Variants in DNAH17 observed in about 807,000 individuals in gnomAD.
The protein encoded by DNAH17 is axonemal beta dynein heavy chain 17.
A neutral mutation model predicts 485.6 loss-of-function variants in DNAH17; 376 were observed. That is an observed-to-expected ratio of 0.77 (90% CI 0.71 to 0.84). DNAH17 has a LOEUF of 0.84. DNAH17 is among the 40% of genes least tolerant of loss of function. The pLI is 0.00. For missense variants in DNAH17, 6,370 were observed against 5,839.3 expected, an observed-to-expected ratio of 1.09 and a Z score of -2.96; for synonymous variants, 3,031 against 2,405.9, an observed-to-expected ratio of 1.26 and a Z score of -7.60.
chr17:78,501,374 A>G, intron 34 of DNAH17, 30 bp from the exon 35 acceptor site: 1 of 1,568,974 alleles, frequency 6.4e-7, no homozygotes, highest in Non-Finnish European at 8.7e-7. Flanking sequence ...TCTTGTTGCC[A>G]GGTGGAATAC....
intron 19 of DNAH17, among the ~76,000 whole-genome samples, chr17:78,536,664 G>C (rs928641331): frequency 2.6e-5 from 4 of 152,066 alleles, no homozygotes; most frequent in African/African-American, 7.2e-5. Flanking sequence ...CTGGGTGACA[G>C]AGTGAGACCT....
intron 54 of DNAH17, chr17:78,472,647 G>C (rs998484346): frequency 2.3e-6 from 1 of 443,372 alleles, no homozygotes; most frequent in Non-Finnish European, 4.5e-6. Context: ...GTGGGGAGGG[G>C]AGCTGGGGTA....
In DNAH17 at chr17:78,466,366, C is replaced by T. The variant is rs558313532; in HGVS notation, c.8940+289G>A. The stretch of plus-strand genomic sequence containing the variant: ...CTTTGTTCACTTGTTTATCTGCTGA[C>T]CTTCCCTCCACTATTGTCCTATGAC... On this transcript the variant is annotated intron_variant, in intron 56 of 80. Coordinates refer to ENST00000389840, the MANE Select transcript of DNAH17 (RefSeq NM_173628.4). Among the ~76,000 whole-genome samples the T allele has an allele frequency of 9.9e-5, 15 of 152,276 alleles. No homozygotes were observed. The East Asian group carries it at 2.9e-3, about 29-fold the overall frequency.
In DNAH17 at chr17:78,437,699, T is replaced by C. The variant is rs771245913; in HGVS notation, c.11975A>G (p.Asn3992Ser). 2.2e-5 allele frequency: 36 copies of C among 1,612,082 alleles called. No homozygotes were observed. Among genetic ancestry groups the C allele is most frequent in the South Asian group, 4.4e-5 (4 of 91,040 alleles). ...GGCGTGCATGCCCGTGGGGGGCTCG[T>C]TGGTGATCTTGATGGCGTTCTCCAG... Reference protein sequence around the residue: ...GILENAIKITNEPPTGMHANL... With the variant: ...GILENAIKITSEPPTGMHANL... The change falls in exon 74 of 81, where the codon AAC becomes AGC. Residue 3992 changes from asparagine (N) to serine (S), a missense_variant. Asn to Ser is a conservative substitution (Grantham distance 46). Coordinates refer to ENST00000389840, the MANE Select transcript of DNAH17 (RefSeq NM_173628.4).
chr17:78,461,425 T>TAC, intron 58 of DNAH17, 119 bp downstream of exon 58: 2 of 1,105,604 alleles, frequency 1.8e-6, no homozygotes, highest in Admixed American at 7.3e-5. Flanking sequence ...ACCTTGTCCT[T>TAC]CTATGTAAGT....
At chr17:78,435,109 C>T (rs571593054) in intron 74 of DNAH17, among the ~76,000 whole-genome samples, 18 of 152,270 alleles carry the variant, frequency 1.2e-4, no homozygotes, top group African/African-American at 4.1e-4. Flanking sequence ...GGGACAGAGA[C>T]GATGGGCCCA....
At chr17:78,569,082 G>T (rs191022837) in intron 9 of DNAH17, 84 bp downstream of exon 9, 6 of 1,064,286 alleles carry the variant, frequency 5.6e-6, no homozygotes, top group South Asian at 1.4e-5. Context: ...ATTGGCAAGG[G>T]GGGTAGGGAT....
At chr17:78,473,945 G>A (rs1034566039) in intron 54 of DNAH17, among the ~76,000 whole-genome samples, 8 of 152,212 alleles carry the variant, frequency 5.3e-5, no homozygotes, top group South Asian at 2.1e-4. Flanking sequence ...TGGGTCCAGA[G>A]GACAGGGCTG....
chr17:78,441,408 C>T (rs1205487602), intron 71 of DNAH17, among the ~76,000 whole-genome samples: 3 of 152,090 alleles, frequency 2.0e-5, no homozygotes, highest in East Asian at 1.9e-4. Flanking sequence ...CTTTCTTTCC[C>T]GAGGGGCCCC....
intron 66 of DNAH17, among the ~76,000 whole-genome samples, chr17:78,451,102 G>A (rs574883293): frequency 1.3e-5 from 2 of 152,256 alleles, no homozygotes; most frequent in African/African-American, 2.4e-5. Context: ...GGCCTCCTGA[G>A]CCCATGCAAG....
chr17:78,459,307 G>T, intron 60 of DNAH17, 99 bp from the exon 61 acceptor site: 1 of 1,163,174 alleles, frequency 8.6e-7, no homozygotes, highest in Non-Finnish European at 1.3e-6. Context: ...GCACAGCTCT[G>T]GAGGGGCAGC....
chr17:78,443,510 T>C (rs2087152324), intron 71 of DNAH17, among the ~76,000 whole-genome samples: 1 of 151,888 alleles, frequency 6.6e-6, no homozygotes, highest in South Asian at 2.1e-4. Context: ...AACTCAGTCC[T>C]GGGAGTTAGG....
At position 78,484,739 on chromosome 17, in the gene DNAH17, A is replaced by ACCCCCCCTGCCCCCCCCCCC; in HGVS notation, c.7649+128_7649+129insGGGGGGGGGGGCAGGGGGGG. Reference sequence around the variant, plus strand: ...CGTGTCTCCCTACCCACGTTGCAGCACCCCCCCCACCGCCCCACACCAGTC... The same window carrying ACCCCCCCTGCCCCCCCCCCC: ...CGTGTCTCCCTACCCACGTTGCAGCACCCCCCCTGCCCCCCCCCCCCCCCCCCCACCGCCCCACACCAGTC... On this transcript the variant is annotated intron_variant, in intron 48 of 80. Coordinates refer to ENST00000389840, the MANE Select transcript of DNAH17 (RefSeq NM_173628.4). The ACCCCCCCTGCCCCCCCCCCC allele has an allele frequency of 5.8e-6, 2 of 347,798 alleles. 1 individual carries two copies. Among genetic ancestry groups the ACCCCCCCTGCCCCCCCCCCC allele is most frequent in the Non-Finnish European group, 9.1e-6 (2 of 219,170 alleles). The allele number at this position is 347,798 out of a possible 1,614,324, so 21.5% of individuals were successfully genotyped here.
At chr17:78,551,673 A>T (rs755975597) in intron 15 of DNAH17, 35 bp from the exon 16 acceptor site, 1 of 1,606,850 alleles carries the variant, frequency 6.2e-7, no homozygotes, top group Non-Finnish European at 8.5e-7. Context: ...TTACAAAATG[A>T]ACAATTCAGG....
At chr17:78,504,721 G>C (rs1281114540) in intron 31 of DNAH17, among the ~76,000 whole-genome samples, 1 of 152,144 alleles carries the variant, frequency 6.6e-6, no homozygotes, top group Non-Finnish European at 1.5e-5. Context: ...CCCTGAGCCG[G>C]GGGACGCGCT....
rs992904705 is a variant in DNAH17 at position 78,484,940 on chromosome 17, A to C, written c.7577T>G (p.Met2526Arg). ...KLVYFIDDMN[M>R]PEVDKYGTVA... Reference sequence around the variant, plus strand: ...CGTCCCATACTTGTCCACCTCGGGCATGTTCATGTCGTCGATGAAGTAGAC... The same window carrying C: ...CGTCCCATACTTGTCCACCTCGGGCCTGTTCATGTCGTCGATGAAGTAGAC... Residue 2526 changes from methionine (M) to arginine (R), a missense_variant, in exon 48 of 81, where the codon ATG becomes AGG. Met to Arg is a moderately conservative substitution (Grantham distance 91, BLOSUM62 -1). Transcript: ENST00000389840. The C allele has an allele frequency of 1.9e-6, 3 of 1,611,014 alleles. No individual in the cohort carries two copies. Among genetic ancestry groups the C allele is most frequent in the Admixed American group, 1.7e-5 (1 of 59,630 alleles).
Position 78,485,713 on chromosome 17 carries a change from G to C in DNAH17, c.7320C>G (p.Phe2440Leu). The change falls in exon 47 of 81, where the codon TTC (phenylalanine) becomes TTG (leucine). Residue 2440 changes from phenylalanine to leucine, a missense_variant. Physicochemically the swap from Phe to Leu is conservative, Grantham distance 22. Transcript: ENST00000389840. ...HTTETIRIRY[F>L]MDLLMEKSWP... Reference sequence around the variant, plus strand: ...AGGACTTCTCCATGAGCAGGTCCATGAAGTAGCGGATGCGGATGGTTTCCG... The same window carrying C: ...AGGACTTCTCCATGAGCAGGTCCATCAAGTAGCGGATGCGGATGGTTTCCG... 1 of 1,613,800 alleles carries C rather than the reference G, an allele frequency of 6.2e-7. No homozygotes were observed. Among genetic ancestry groups the C allele is most frequent in the Middle Eastern group, 1.6e-4 (1 of 6,062 alleles).
At chr17:78,576,294 T>G (rs1053345301) in intron 1 of DNAH17, among the ~76,000 whole-genome samples, 3 of 152,158 alleles carry the variant, frequency 2.0e-5, no homozygotes, top group Non-Finnish European at 4.4e-5. Flanking sequence ...AACTATATGA[T>G]GGGAAGCAGT....
intron 25 of DNAH17, chr17:78,522,532 G>C (rs1217031207): frequency 6.5e-6 from 2 of 310,008 alleles, no homozygotes; most frequent in East Asian, 1.2e-4. Flanking sequence ...CTGAAGATCT[G>C]CCAGCCCCTA....
Sources: allele counts gnomAD v4.1 joint callset (sites outside exome capture counted in the v4.1 genomes callset), GRCh38; gene constraint gnomAD v4.1.1; transcripts MANE v1.5; gene names NCBI Gene and HGNC (gene_info 2026-07-23, HGNC 2026-07-21).